Variants in EVI5L observed in about 807,000 individuals in gnomAD.
The protein encoded by EVI5L is ecotropic viral integration site 5 like.
EVI5L carries 30 observed loss-of-function variants against 106.1 expected under a neutral mutation model. The observed-to-expected ratio is 0.28, with a 90% confidence interval of 0.21 to 0.38. The LOEUF is 0.38. Among genes scored for constraint, EVI5L ranks in the 10% least tolerant of loss-of-function variants. The pLI, the probability that EVI5L is intolerant of heterozygous loss-of-function variation, is 1.00. For missense variants in EVI5L, 809 were observed against 1,098.0 expected, an observed-to-expected ratio of 0.74 and a Z score of 3.72; for synonymous variants, 489 against 483.3, an observed-to-expected ratio of 1.01 and a Z score of -0.15.
chr19:7,843,435 T>TGTGTGTGTGTATGGGTGTGTGA (rs1978784613), intron 1 of EVI5L, among the ~76,000 whole-genome samples: 2 of 82,850 alleles, frequency 2.4e-5, no homozygotes, highest in East Asian at 5.7e-4. Flanking sequence ...GTGTCGAGAG[T>TGTGTGTGTGTATGGGTGTGTGA]GTGTGTGTAT....
chr19:7,856,903 G>A lies in EVI5L; in HGVS notation c.1201-189G>A. 1 of 719,554 alleles carries A rather than the reference G, an allele frequency of 1.4e-6. No homozygotes were observed. The highest frequency in any genetic ancestry group is 1.5e-5 in the South Asian group (1 of 67,324). The allele number at this position is 719,554 out of a possible 1,614,324, so 44.6% of individuals were successfully genotyped here. On this transcript the variant is annotated intron_variant, in intron 11 of 19. Transcript: ENST00000538904. This position sits in a 1 kb window ranked among gnomAD's most constrained non-coding sequence, Gnocchi z 6.6. ...CCGAACCCCTCTCCAGGACGGAGCT[G>A]GCTCTAGCTTTGGTCTTCCTCCGGG...
intron 1 of EVI5L, among the ~76,000 whole-genome samples, chr19:7,836,270 G>A (rs1978341394): frequency 6.6e-6 from 1 of 152,112 alleles, no homozygotes; most frequent in African/African-American, 2.4e-5. Flanking sequence ...GGGGGGTAGG[G>A]GAGTAAGGGA....
chr19:7,852,215 G>C (rs111777172), intron 8 of EVI5L, among the ~76,000 whole-genome samples: 25,995 of 152,306 alleles, frequency 0.17, 2,923 homozygotes, highest in Non-Finnish European at 0.24. Context: ...TGGAGGCCCT[G>C]CTGCTGGCCA....
rs760225322 is a variant in EVI5L, at chr19:7,848,861, G to A, written c.328-60G>A. The A allele has an allele frequency of 2.2e-4, 344 of 1,529,296 alleles. No homozygotes were observed. Among genetic ancestry groups the A allele is most frequent in the Non-Finnish European group, 2.9e-4 (324 of 1,120,360 alleles). 94.7% of individuals were successfully genotyped at this position (1,529,296 alleles called of 1,614,324 possible). On this transcript the variant is annotated intron_variant, in intron 3 of 19. Transcript: ENST00000538904. The surrounding 1 kb of genome is among the most constrained non-coding windows in gnomAD (Gnocchi z 4.8). ...CCACGCCTGAGGAGCTGGGCTGGGT[G>A]GCCACGGGGAGGCTGCGCTGGGACC...
intron 13 of EVI5L, among the ~76,000 whole-genome samples, chr19:7,859,552 A>G (rs1473582689): frequency 6.6e-6 from 1 of 152,206 alleles, no homozygotes; most frequent in Non-Finnish European, 1.5e-5. Context: ...GTCCCCATGA[A>G]CCACATCCGT....
chr19:7,831,045 G>A (rs1568229650), intron 1 of EVI5L, among the ~76,000 whole-genome samples: 1 of 150,068 alleles, frequency 6.7e-6, no homozygotes. Context: ...ATGCCCAAGG[G>A]CACCCCTAAA....
At chr19:7,855,971 G>T (rs973930974) in intron 10 of EVI5L, 44 bp from the exon 11 acceptor site, 2 of 1,319,972 alleles carry the variant, frequency 1.5e-6, no homozygotes, top group Non-Finnish European at 2.0e-6. Context: ...ATGTAGACAG[G>T]CGTGGGGGGC....
chr19:7,858,041 A>G lies in EVI5L; in HGVS notation c.1234-150A>G. On this transcript the variant is annotated intron_variant, in intron 12 of 19. Coordinates refer to ENST00000538904, the MANE Select transcript of EVI5L (RefSeq NM_001159944.3). The surrounding 1 kb of genome is among the most constrained non-coding windows in gnomAD (Gnocchi z 5.7). ...CACCCACGTCCCCAGGCCCAGTGGG[A>G]CGCTCATCCCAGGCTCTGAGTACGG... is the stretch of plus-strand genomic sequence containing the variant. The G allele has an allele frequency of 1.1e-6, 1 of 879,086 alleles. No individual in the cohort carries two copies. The highest frequency in any genetic ancestry group is 1.7e-6 in the Non-Finnish European group (1 of 586,678). The allele number at this position is 879,086 out of a possible 1,614,324, so 54.5% of individuals were successfully genotyped here. A position where few individuals can be genotyped will look rare whatever the true frequency, so the allele number is the denominator to read the frequency against.
At chr19:7,861,792 G>A in intron 14 of EVI5L, 86 bp from the exon 15 acceptor site, 1 of 1,510,814 alleles carries the variant, frequency 6.6e-7, no homozygotes. Flanking sequence ...GAGCTCAGGA[G>A]GAAACGTGGC....
At position 7,845,232 on chromosome 19, in the gene EVI5L, T is replaced by C. The variant is rs1303667121; in HGVS notation, c.-47-1264T>C. On this transcript the variant is annotated intron_variant, in intron 1 of 19. Coordinates refer to ENST00000538904, the MANE Select transcript of EVI5L (RefSeq NM_001159944.3). This position sits in a 1 kb window ranked among gnomAD's most constrained non-coding sequence, Gnocchi z 4.0. The stretch of plus-strand genomic sequence containing the variant: ...GCAAATAAGGAGGCAGGAGGCAGGG[T>C]TTCCTTCCTGCCATCAGGACCCTAG... Among the ~76,000 whole-genome samples the C allele has an allele frequency of 6.6e-6, 1 of 152,004 alleles. No homozygotes were observed. The highest frequency in any genetic ancestry group is 1.5e-5 in the Non-Finnish European group (1 of 67,966).
At chr19:7,834,390 C>A (rs1439118809) in intron 1 of EVI5L, among the ~76,000 whole-genome samples, 1 of 151,856 alleles carries the variant, frequency 6.6e-6, no homozygotes, top group African/African-American at 2.4e-5. Flanking sequence ...CAGAAGGGAA[C>A]CTATTATAAT....
intron 3 of EVI5L, 57 bp downstream of exon 3, chr19:7,847,978 C>T: frequency 6.7e-7 from 1 of 1,488,150 alleles, no homozygotes; most frequent in Non-Finnish European, 9.0e-7. Context: ...GTGGTGCGGT[C>T]ACTCAGCCAC....
chr19:7,852,918 C>G, intron 8 of EVI5L, 168 bp from the exon 9 acceptor site: 2 of 651,866 alleles, frequency 3.1e-6, no homozygotes, highest in Non-Finnish European at 5.4e-6. Context: ...CCTCCCCTCA[C>G]GCTCAGTCTT....
At chr19:7,852,075 C>T (rs1436646556) in intron 8 of EVI5L, among the ~76,000 whole-genome samples, 2 of 152,170 alleles carry the variant, frequency 1.3e-5, no homozygotes, top group Non-Finnish European at 2.9e-5. Flanking sequence ...TGCCCCAAAG[C>T]CTGATGGCAG....
At position 7,852,494 on chromosome 19, in the gene EVI5L, G is replaced by A. The variant is rs368608589; in HGVS notation, c.988-592G>A. On this transcript the variant is annotated intron_variant, in intron 8 of 19. Coordinates refer to ENST00000538904, the MANE Select transcript of EVI5L (RefSeq NM_001159944.3). Reference sequence around the variant, plus strand: ...GAAGGTCCCCTCTGTCAGACCCCCCGACCCTCAGCCTTCACTCCCAGGAGA... The same window carrying A: ...GAAGGTCCCCTCTGTCAGACCCCCCAACCCTCAGCCTTCACTCCCAGGAGA... Among the ~76,000 whole-genome samples the A allele has an allele frequency of 7.0e-5, 10 of 143,424 alleles. No individual in the cohort carries two copies. The South Asian group carries it at 1.1e-3, about 16-fold the overall frequency. 94.1% of individuals were successfully genotyped at this position (143,424 alleles called of 152,430 possible). A position where few individuals can be genotyped will look rare whatever the true frequency, so the allele number is the denominator to read the frequency against.
intron 10 of EVI5L, among the ~76,000 whole-genome samples, chr19:7,854,176 G>A (rs1319682858): frequency 6.6e-6 from 1 of 151,226 alleles, no homozygotes; most frequent in Non-Finnish European, 1.5e-5. Flanking sequence ...TGGCTACTCG[G>A]GAGGCTGAGG....
chr19:7,847,979 A>T (rs1364693299), intron 3 of EVI5L, 58 bp downstream of exon 3: 5 of 1,488,308 alleles, frequency 3.4e-6, no homozygotes, highest in Non-Finnish European at 4.5e-6. Context: ...TGGTGCGGTC[A>T]CTCAGCCACC....
At position 7,862,441 on chromosome 19, in the gene EVI5L, G is replaced by C; in HGVS notation, c.1854G>C (p.Leu618=). Residue 618 remains leucine, a synonymous_variant, in exon 17 of 20, where the codon CTG becomes CTC. Transcript: ENST00000538904. ...LNRVEAERAA[L]QEKLQYLAAQ... is the part of the protein sequence containing the mutation. Reference sequence around the variant, plus strand: ...GCGTGGAGGCGGAGCGCGCGGCGCTGCAGGAGAAGCTGCAGTACCTGGCTG... The same window carrying C: ...GCGTGGAGGCGGAGCGCGCGGCGCTCCAGGAGAAGCTGCAGTACCTGGCTG... 6.2e-7 allele frequency: 1 copy of C among 1,610,416 alleles called. No homozygotes were observed. The highest frequency in any genetic ancestry group is 8.5e-7 in the Non-Finnish European group (1 of 1,178,792).
Position 7,857,974 on chromosome 19 carries a change from T to G in EVI5L, c.1234-217T>G. 4 of 571,496 alleles carry G rather than the reference T, an allele frequency of 7.0e-6. No individual in the cohort carries two copies. Among genetic ancestry groups the G allele is most frequent in the Non-Finnish European group, 1.2e-5 (4 of 321,078 alleles). The allele number at this position is 571,496 out of a possible 1,614,324, so 35.4% of individuals were successfully genotyped here. A position where few individuals can be genotyped will look rare whatever the true frequency, so the allele number is the denominator to read the frequency against. On this transcript the variant is annotated intron_variant, in intron 12 of 19. Transcript: ENST00000538904. This position sits in a 1 kb window ranked among gnomAD's most constrained non-coding sequence, Gnocchi z 4.5. ...TTTCCAAGCCCAGGGCTAGCTCTGT[T>G]CCTCCCGGGCTCCTCCAGGTGTCCT...
Sources: gnomAD v4.1 joint callset for allele counts (sites outside exome capture counted in the v4.1 genomes callset) on GRCh38, gnomAD v4.1.1 for gene constraint, Gnocchi (gnomAD v3.1) non-coding constraint, MANE v1.5 for transcripts, NCBI Gene and HGNC (gene_info 2026-07-23, HGNC 2026-07-21) for gene names.